TSHZ3: variants seen among roughly 807,000 people sequenced by gnomAD.
TSHZ3 encodes the protein teashirt zinc finger homeobox 3, also known as teashirt homolog 3.
A neutral mutation model predicts 64.5 loss-of-function variants in TSHZ3; 10 were observed. That is an observed-to-expected ratio of 0.16 (90% CI 0.10 to 0.26). The LOEUF (loss-of-function observed/expected upper bound fraction) is 0.26. Ranked by LOEUF, TSHZ3 falls within the 10% of genes least tolerant of loss-of-function variation. TSHZ3 has a pLI of 1.00. For missense variants in TSHZ3, 1,242 were observed against 1,421.7 expected, an observed-to-expected ratio of 0.87 and a Z score of 2.03; for synonymous variants, 608 against 593.1, an observed-to-expected ratio of 1.03 and a Z score of -0.36.
chr19:31,217,087 C>T (rs1479436439), intron 4 of TSHZ3, among the ~76,000 whole-genome samples: 1 of 152,172 alleles, frequency 6.6e-6, no homozygotes, highest in Non-Finnish European at 1.5e-5. Context: ...GCATTAACCA[C>T]CGCACCCCGC....
chr19:31,239,319 A>G (rs1203095936), intron 3 of TSHZ3, among the ~76,000 whole-genome samples: 1 of 152,144 alleles, frequency 6.6e-6, no homozygotes, highest in Non-Finnish European at 1.5e-5. Context: ...AAATTATGAG[A>G]ATAAAAGGGA....
intron 1 of TSHZ3, among the ~76,000 whole-genome samples, chr19:31,306,186 C>A (rs1916285802): frequency 6.6e-6 from 1 of 152,182 alleles, no homozygotes; most frequent in African/African-American, 2.4e-5. Context: ...CTTGCATATG[C>A]AGCCTGTCAC....
chr19:31,198,182 G>A (rs111407175), intron 5 of TSHZ3, among the ~76,000 whole-genome samples: 218 of 152,182 alleles, frequency 1.4e-3, no homozygotes, highest in African/African-American at 4.8e-3. Context: ...ACATCAGCAA[G>A]CTAAAGAATA....
intron 1 of TSHZ3, among the ~76,000 whole-genome samples, chr19:31,263,937 G>A (rs906974408): frequency 2.0e-5 from 3 of 152,182 alleles, no homozygotes; most frequent in Non-Finnish European, 4.4e-5. Context: ...GGAGGGGGAG[G>A]CCCATAGCTC....
At chr19:31,170,774 T>C (rs537627555) in intron 5 of TSHZ3, among the ~76,000 whole-genome samples, 4 of 152,356 alleles carry the variant, frequency 2.6e-5, no homozygotes, top group Admixed American at 2.0e-4. Flanking sequence ...TTTTTTGTTG[T>C]TAAAAGAAAT....
At chr19:31,185,286 C>A (rs1974787613) in intron 5 of TSHZ3, among the ~76,000 whole-genome samples, 1 of 152,188 alleles carries the variant, frequency 6.6e-6, no homozygotes, top group Non-Finnish European at 1.5e-5. Flanking sequence ...CAGGGGCCAA[C>A]TGAAGGCAAT....
At chr19:31,267,311 GC>G (rs1976067371) in intron 1 of TSHZ3, among the ~76,000 whole-genome samples, 1 of 151,992 alleles carries the variant, frequency 6.6e-6, no homozygotes, top group Non-Finnish European at 1.5e-5. Flanking sequence ...ACTGACCTGG[GC>G]CCTCACATGT....
intron 1 of TSHZ3, among the ~76,000 whole-genome samples, chr19:31,330,949 G>A (rs1004112357): frequency 6.6e-6 from 1 of 152,148 alleles, no homozygotes; most frequent in East Asian, 1.9e-4. Flanking sequence ...CAGTCACCAT[G>A]GTGGCAGAAG....
intron 4 of TSHZ3, among the ~76,000 whole-genome samples, chr19:31,211,154 T>TAAA (rs2145159637): frequency 1.3e-5 from 2 of 152,352 alleles, no homozygotes; most frequent in South Asian, 4.1e-4. Flanking sequence ...CCTGTTTTCA[T>TAAA]AGTCCAAAGA....
intron 1 of TSHZ3, among the ~76,000 whole-genome samples, chr19:31,343,231 A>AAC (rs1917487725): frequency 6.6e-6 from 1 of 152,208 alleles, no homozygotes; most frequent in Admixed American, 6.5e-5. Context: ...ATGAATTAAT[A>AAC]ATTTATCATT....
intron 5 of TSHZ3, among the ~76,000 whole-genome samples, chr19:31,174,495 C>A (rs1312437860): frequency 6.6e-6 from 1 of 152,150 alleles, no homozygotes; most frequent in Non-Finnish European, 1.5e-5. Flanking sequence ...ACAGAAACAC[C>A]CAGAATAACA....
chr19:31,286,312 C>T (rs1976463806), intron 1 of TSHZ3, among the ~76,000 whole-genome samples: 1 of 152,154 alleles, frequency 6.6e-6, no homozygotes, highest in Non-Finnish European at 1.5e-5. Context: ...TAAAAGCTCC[C>T]AAAGTTACAA....
intron 1 of TSHZ3, among the ~76,000 whole-genome samples, chr19:31,336,310 C>T (rs1159502625): frequency 6.6e-6 from 1 of 152,120 alleles, no homozygotes; most frequent in Non-Finnish European, 1.5e-5. Context: ...AAAGGGGCAC[C>T]CAGAATGGTC....
intron 5 of TSHZ3, among the ~76,000 whole-genome samples, chr19:31,159,385 T>A (rs1399987916): frequency 1.3e-5 from 2 of 152,236 alleles, no homozygotes; most frequent in African/African-American, 4.8e-5. Flanking sequence ...CTAGCAAACT[T>A]AATTCCATCT....
At chr19:31,154,083 C>T (rs1463193678) in intron 6 of TSHZ3, among the ~76,000 whole-genome samples, 1 of 152,166 alleles carries the variant, frequency 6.6e-6, no homozygotes, top group African/African-American at 2.4e-5. Flanking sequence ...CTGCTCATTT[C>T]TTGTACTTCT....
chr19:31,332,818 AG>A (rs1184106704), intron 1 of TSHZ3, among the ~76,000 whole-genome samples: 1 of 152,082 alleles, frequency 6.6e-6, no homozygotes, highest in Non-Finnish European at 1.5e-5. Context: ...AAAACAAAAC[AG>A]GGGTAGGCCA....
At chr19:31,230,407 G>T (rs1053770893) in intron 3 of TSHZ3, among the ~76,000 whole-genome samples, 1 of 151,980 alleles carries the variant, frequency 6.6e-6, no homozygotes, top group Non-Finnish European at 1.5e-5. Flanking sequence ...CAAAAGTGTT[G>T]GTGATTTTCA....
intron 1 of TSHZ3, among the ~76,000 whole-genome samples, chr19:31,268,231 T>G (rs1976082981): frequency 6.6e-6 from 1 of 152,188 alleles, no homozygotes; most frequent in Admixed American, 6.5e-5. Flanking sequence ...ATTAAACCTC[T>G]TTCCTTCATA....
intron 5 of TSHZ3, among the ~76,000 whole-genome samples, chr19:31,166,919 T>A (rs1285736544): frequency 6.6e-6 from 1 of 152,148 alleles, no homozygotes. Flanking sequence ...CAAGGAAGCA[T>A]GGCACATTTT....
Sources: allele counts gnomAD v4.1 joint callset (sites outside exome capture counted in the v4.1 genomes callset), GRCh38; gene constraint gnomAD v4.1.1; transcripts MANE v1.5; gene names NCBI Gene and HGNC (gene_info 2026-07-23, HGNC 2026-07-21).